Variants in EIF2B3 observed in about 807,000 individuals in gnomAD.
The protein encoded by EIF2B3 is eukaryotic translation initiation factor 2B subunit gamma, also known as translation initiation factor eIF2B subunit gamma.
EIF2B3 carries 20 observed loss-of-function variants against 54.1 expected under a neutral mutation model. That is an observed-to-expected ratio of 0.37 (90% CI 0.26 to 0.54). The LOEUF is 0.54. Among genes scored for constraint, EIF2B3 ranks in the 20% least tolerant of loss-of-function variants. The pLI, the probability that EIF2B3 is intolerant of heterozygous loss-of-function variation, is 0.86. For missense variants in EIF2B3, 448 were observed against 547.8 expected, an observed-to-expected ratio of 0.82 and a Z score of 1.82; for synonymous variants, 153 against 188.1, an observed-to-expected ratio of 0.81 and a Z score of 1.52.
At chr1:44,865,732 G>A (rs975097574) in intron 10 of EIF2B3, among the ~76,000 whole-genome samples, 1 of 151,922 alleles carries the variant, frequency 6.6e-6, no homozygotes, top group South Asian at 2.1e-4. Flanking sequence ...ACAGGCATGC[G>A]CCACCACGCC....
At chr1:44,880,109 T>A in intron 7 of EIF2B3, 101 bp from the exon 8 acceptor site, 1 of 1,291,348 alleles carries the variant, frequency 7.7e-7, no homozygotes. Flanking sequence ...AGAGACGAGG[T>A]CTTGCTATGT....
intron 11 of EIF2B3, 140 bp downstream of exon 11, chr1:44,857,564 C>A: frequency 1.2e-6 from 1 of 802,746 alleles, no homozygotes; most frequent in Non-Finnish European, 2.1e-6. Context: ...GTCAACTGCT[C>A]TCCAAAGATG....
intron 8 of EIF2B3, among the ~76,000 whole-genome samples, chr1:44,877,067 A>G (rs185522): frequency 0.42 from 63,027 of 148,456 alleles, 14,276 homozygotes; most frequent in African/African-American, 0.58. Context: ...GCGGAAGGCC[A>G]CAGGGTCCTC....
chr1:44,918,800 T>C (rs1319944258), intron 5 of EIF2B3, among the ~76,000 whole-genome samples: 8 of 152,212 alleles, frequency 5.3e-5, no homozygotes. Flanking sequence ...CCTGCTCCCA[T>C]CATATACACC....
At chr1:44,965,634 CTTTTTTTT>C (rs386366856) in intron 3 of EIF2B3, among the ~76,000 whole-genome samples, 2 of 102,398 alleles carry the variant, frequency 2.0e-5, no homozygotes, top group African/African-American at 7.9e-5. Context: ...ACAAATGCAT[CTTTTTTTT>C]TTTTTTTTTT....
intron 1 of EIF2B3, among the ~76,000 whole-genome samples, chr1:44,984,889 C>T (rs1017393383): frequency 1.4e-5 from 2 of 143,024 alleles, no homozygotes; most frequent in Admixed American, 1.4e-4. Flanking sequence ...TCACTGCAAG[C>T]TCCGCTTCCC....
At chr1:44,983,874 T>C (rs1174385759) in intron 1 of EIF2B3, among the ~76,000 whole-genome samples, 1 of 151,810 alleles carries the variant, frequency 6.6e-6, no homozygotes, top group Non-Finnish European at 1.5e-5. Flanking sequence ...ACTTGGCTAA[T>C]TCTTTGGATT....
At chr1:44,950,996 G>C (rs1644154792) in intron 3 of EIF2B3, among the ~76,000 whole-genome samples, 1 of 152,068 alleles carries the variant, frequency 6.6e-6, no homozygotes, top group Admixed American at 6.6e-5. Flanking sequence ...ACCAGTATGA[G>C]TTTTTTAAAA....
At chr1:44,960,630 C>A (rs1431294578) in intron 3 of EIF2B3, among the ~76,000 whole-genome samples, 14 of 151,390 alleles carry the variant, frequency 9.2e-5, no homozygotes, top group Admixed American at 9.2e-4. Context: ...ACAGCGAGAC[C>A]CCGTCTCAAA....
intron 2 of EIF2B3, among the ~76,000 whole-genome samples, chr1:44,980,408 C>A (rs939349715): frequency 5.9e-5 from 9 of 151,784 alleles, no homozygotes; most frequent in Admixed American, 1.3e-4. Context: ...TGAACCCTGG[C>A]GGAGGTTGTA....
chr1:44,867,133 C>A (rs982907561), intron 10 of EIF2B3, among the ~76,000 whole-genome samples: 1 of 152,112 alleles, frequency 6.6e-6, no homozygotes, highest in Non-Finnish European at 1.5e-5. Flanking sequence ...CATGGAAAAC[C>A]TAGGTGAGAA....
chr1:44,974,741 T>C (rs140633615), intron 3 of EIF2B3, among the ~76,000 whole-genome samples: 1 of 152,184 alleles, frequency 6.6e-6, no homozygotes, highest in African/African-American at 2.4e-5. Context: ...TTGCAGGCAA[T>C]ATGATGATAA....
intron 11 of EIF2B3, among the ~76,000 whole-genome samples, chr1:44,856,947 C>T (rs964054455): frequency 1.8e-4 from 27 of 152,164 alleles, no homozygotes; most frequent in African/African-American, 5.5e-4. Flanking sequence ...TGGGACAACA[C>T]GTGTGTGCCA....
At chr1:44,952,556 A>ATT (rs34153088) in intron 3 of EIF2B3, among the ~76,000 whole-genome samples, 31,004 of 141,396 alleles carry the variant, frequency 0.22, 3,690 homozygotes, top group Admixed American at 0.32. Flanking sequence ...CTTTTCTCCA[A>ATT]TTTTTTTTTT....
chr1:44,927,091 GC>G (rs747686331), intron 4 of EIF2B3, among the ~76,000 whole-genome samples: 1 of 151,660 alleles, frequency 6.6e-6, no homozygotes, highest in Non-Finnish European at 1.5e-5. Context: ...CTGAGATCGT[GC>G]CACTGTAGTG....
At chr1:44,858,399 C>T (rs1654503681) in intron 10 of EIF2B3, among the ~76,000 whole-genome samples, 1 of 152,108 alleles carries the variant, frequency 6.6e-6, no homozygotes, top group South Asian at 2.1e-4. Flanking sequence ...CCTCCTAGGA[C>T]ATCAACTCTG....
intron 3 of EIF2B3, among the ~76,000 whole-genome samples, chr1:44,960,567 G>T (rs1644274618): frequency 6.6e-6 from 1 of 151,978 alleles, no homozygotes; most frequent in South Asian, 2.1e-4. Context: ...TGAACCCGGG[G>T]GCGGAGCTTG....
intron 3 of EIF2B3, among the ~76,000 whole-genome samples, chr1:44,974,380 G>A (rs755486224): frequency 6.6e-6 from 1 of 151,456 alleles, no homozygotes; most frequent in Admixed American, 6.6e-5. Context: ...GGCTTAGGTA[G>A]GAGGATCACC....
chr1:44,856,464 G>T (rs1654437355), intron 11 of EIF2B3, among the ~76,000 whole-genome samples: 2 of 149,040 alleles, frequency 1.3e-5, no homozygotes, highest in African/African-American at 5.0e-5. Context: ...GCAGTGAGCT[G>T]AGATAGCACT....
Sources: allele counts gnomAD v4.1 joint callset (sites outside exome capture counted in the v4.1 genomes callset), GRCh38; gene constraint gnomAD v4.1.1; transcripts MANE v1.5; gene names NCBI Gene and HGNC (gene_info 2026-07-23, HGNC 2026-07-21).